The following CMTM4 variants were observed in gnomAD, a reference collection of about 807,000 sequenced individuals.
The protein encoded by CMTM4 is CKLF-like MARVEL transmembrane domain-containing protein 4.
In CMTM4, 8 loss-of-function variants were observed where a neutral mutation model predicts 19.0. That is an observed-to-expected ratio of 0.42 (90% CI 0.25 to 0.76). CMTM4 has a LOEUF of 0.76. Ranked by LOEUF, CMTM4 falls within the 30% of genes least tolerant of loss-of-function variation. The probability of loss-of-function intolerance (pLI) is 0.27; values close to 1 mark genes in which losing one functional copy is unlikely to be tolerated. For synonymous variants in CMTM4, 106 were observed against 121.1 expected, an observed-to-expected ratio of 0.88 and a Z score of 0.82; for missense variants, 228 against 290.2, an observed-to-expected ratio of 0.79 and a Z score of 1.56.
intron 1 of CMTM4, among the ~76,000 whole-genome samples, chr16:66,673,577 T>G (rs754007719): frequency 6.6e-6 from 1 of 152,170 alleles, no homozygotes; most frequent in Admixed American, 6.5e-5. Flanking sequence ...TACTGTACTT[T>G]TGTGCAGCTA....
intron 1 of CMTM4, among the ~76,000 whole-genome samples, chr16:66,644,357 C>G (rs1290306254): frequency 6.6e-6 from 1 of 152,166 alleles, no homozygotes; most frequent in Non-Finnish European, 1.5e-5. Flanking sequence ...CTTGTGTACA[C>G]CGAAATGTCA....
In CMTM4 at chr16:66,696,616, C is replaced by G; in HGVS notation, c.-91G>C. 1.4e-6 allele frequency: 1 copy of G among 727,416 alleles called. No homozygotes were observed. The highest frequency in any genetic ancestry group is 1.7e-6 in the Non-Finnish European group (1 of 596,750). The allele number at this position is 727,416 out of a possible 1,614,324, so 45.1% of individuals were successfully genotyped here. A position where few individuals can be genotyped will look rare whatever the true frequency, so the allele number is the denominator to read the frequency against. On this transcript the variant is annotated 5_prime_UTR_variant, in exon 1 of 4. Coordinates refer to ENST00000394106, the MANE Select transcript of CMTM4 (RefSeq NM_181521.3). The surrounding 1 kb of genome is among the most constrained non-coding windows in gnomAD (Gnocchi z 4.3). ...GGGGCCGCCGCATCGCCGCCGCCGC[C>G]GCCGCCGCCGCCGCCCGACTGACTG... is the stretch of plus-strand genomic sequence containing the variant.
chr16:66,620,917 A>C lies in CMTM4; in HGVS notation c.*1141T>G. 13 of 985,844 alleles carry C rather than the reference A, an allele frequency of 1.3e-5. No individual in the cohort carries two copies. Among genetic ancestry groups the C allele is most frequent in the Non-Finnish European group, 1.6e-5 (13 of 829,950 alleles). The allele number at this position is 985,844 out of a possible 1,614,324, so 61.1% of individuals were successfully genotyped here. A position where few individuals can be genotyped will look rare whatever the true frequency, so the allele number is the denominator to read the frequency against. On this transcript the variant is annotated 3_prime_UTR_variant, in exon 4 of 4. Transcript: ENST00000394106. ...CTTCACTTTATCAAGAATCAATCAG[A>C]AACCTTAAGTAGCTAGGATTTTTCC...
chr16:66,642,286 TAC>T (rs1464712777), intron 1 of CMTM4, among the ~76,000 whole-genome samples: 5 of 152,372 alleles, frequency 3.3e-5, no homozygotes, highest in African/African-American at 2.4e-5. Flanking sequence ...GAACAAATTA[TAC>T]AGAGATGTCC....
chr16:66,654,423 G>A (rs996190568), intron 1 of CMTM4, among the ~76,000 whole-genome samples: 1 of 152,034 alleles, frequency 6.6e-6, no homozygotes, highest in African/African-American at 2.4e-5. Flanking sequence ...GCCTTCTCAT[G>A]AAACACATGC....
chr16:66,637,347 C>T (rs534746143), intron 1 of CMTM4, among the ~76,000 whole-genome samples: 1 of 152,144 alleles, frequency 6.6e-6, no homozygotes. Context: ...GAGTTCAAGA[C>T]CAGCCTGACC....
chr16:66,661,841 G>A (rs1019495083), intron 1 of CMTM4, among the ~76,000 whole-genome samples: 1 of 152,132 alleles, frequency 6.6e-6, no homozygotes, highest in Non-Finnish European at 1.5e-5. Flanking sequence ...GCTGAGGCAG[G>A]AGAATTGCGT....
chr16:66,606,104 C>T, the CMTM4 span, among the ~76,000 whole-genome samples: 2 of 151,952 alleles, frequency 1.3e-5, no homozygotes, highest in African/African-American at 4.8e-5. Context: ...CTGGGCCCAG[C>T]AGATGTCAGG....
rs901214541 is a variant in CMTM4, at chr16:66,617,530, C to A, written c.*4528G>T. 2 of 1,368,118 alleles carry A rather than the reference C, an allele frequency of 1.5e-6. No individual in the cohort carries two copies. Among genetic ancestry groups the A allele is most frequent in the Non-Finnish European group, 1.9e-6 (2 of 1,061,484 alleles). The allele number at this position is 1,368,118 out of a possible 1,614,324, so 84.7% of individuals were successfully genotyped here. A position where few individuals can be genotyped will look rare whatever the true frequency, so the allele number is the denominator to read the frequency against. ...AAGAATTAAACAGAACATTCACTTTCGGAAGAAAATTTTTCTAGACCTAAC... is the reference window on the plus strand; with the variant it reads ...AAGAATTAAACAGAACATTCACTTTAGGAAGAAAATTTTTCTAGACCTAAC... On this transcript the variant is annotated 3_prime_UTR_variant, in exon 4 of 4. Coordinates refer to ENST00000394106, the MANE Select transcript of CMTM4 (RefSeq NM_181521.3).
downstream of CMTM4, chr16:66,613,248 C>T: frequency 1.5e-6 from 1 of 653,182 alleles, no homozygotes; most frequent in South Asian, 1.7e-5. Flanking sequence ...CACCTCCCAC[C>T]CTTGGAAACC....
chr16:66,600,145 TG>T, the CMTM4 span, among the ~76,000 whole-genome samples: 106 of 144,816 alleles, frequency 7.3e-4, 2 homozygotes, highest in African/African-American at 2.3e-3. Context: ...TGTTTTTTTT[TG>T]TTTTTTTTTT....
At chr16:66,690,743 T>G (rs2017119368) in intron 1 of CMTM4, among the ~76,000 whole-genome samples, 1 of 152,202 alleles carries the variant, frequency 6.6e-6, no homozygotes, top group Non-Finnish European at 1.5e-5. Context: ...CTACCCATAC[T>G]GTACAACTGA....
At chr16:66,689,609 G>C (rs1225914911) in intron 1 of CMTM4, among the ~76,000 whole-genome samples, 2 of 152,156 alleles carry the variant, frequency 1.3e-5, no homozygotes, top group African/African-American at 4.8e-5. Context: ...GATTCACCAT[G>C]TTGCCCAGGC....
intron 2 of CMTM4, 138 bp from the exon 3 acceptor site, chr16:66,623,640 G>C: frequency 5.3e-6 from 3 of 562,550 alleles, no homozygotes; most frequent in Non-Finnish European, 9.4e-6. Flanking sequence ...AATGTCACAG[G>C]GTTACTGGTC....
At chr16:66,636,249 C>G (rs1291142432) in intron 2 of CMTM4, among the ~76,000 whole-genome samples, 156 bp downstream of exon 2, 1 of 152,166 alleles carries the variant, frequency 6.6e-6, no homozygotes, top group African/African-American at 2.4e-5. Flanking sequence ...TTACTTAACC[C>G]AGTAAAGAAA....
At chr16:66,663,178 C>T (rs908708349) in intron 1 of CMTM4, among the ~76,000 whole-genome samples, 4 of 152,090 alleles carry the variant, frequency 2.6e-5, no homozygotes, top group Non-Finnish European at 4.4e-5. Context: ...TAAACAAGAC[C>T]AGAGTCCCAT....
chr16:66,667,464 T>G (rs1466071754), intron 1 of CMTM4, among the ~76,000 whole-genome samples: 2 of 152,252 alleles, frequency 1.3e-5, no homozygotes, highest in East Asian at 3.8e-4. Context: ...CTCCATTTTC[T>G]TTGTAGAAAT....
At chr16:66,631,026 C>T (rs956775064) in intron 2 of CMTM4, among the ~76,000 whole-genome samples, 18 of 151,580 alleles carry the variant, frequency 1.2e-4, no homozygotes, top group Admixed American at 6.6e-4. Flanking sequence ...GCCCGGCGGC[C>T]GCCCCATCTG....
chr16:66,659,575 C>T (rs1390243180), intron 1 of CMTM4, among the ~76,000 whole-genome samples: 1 of 152,074 alleles, frequency 6.6e-6, no homozygotes, highest in Non-Finnish European at 1.5e-5. Flanking sequence ...TCAAACAAAC[C>T]AAAAGGGCAT....
Sources: allele counts gnomAD v4.1 joint callset (sites outside exome capture counted in the v4.1 genomes callset), GRCh38; gene constraint gnomAD v4.1.1; non-coding constraint Gnocchi (gnomAD v3.1); transcripts MANE v1.5; gene names NCBI Gene and HGNC (gene_info 2026-07-23, HGNC 2026-07-21).